GPHN: variants seen among roughly 807,000 people sequenced by gnomAD.
GPHN encodes gephyrin.
GPHN carries 17 observed loss-of-function variants against 95.5 expected under a neutral mutation model. The ratio of observed to expected loss-of-function variants is 0.18; its 90% confidence interval spans 0.12 to 0.27. GPHN has a LOEUF of 0.27. Ranked by LOEUF, GPHN falls within the 10% of genes least tolerant of loss-of-function variation. The pLI, the probability that GPHN is intolerant of heterozygous loss-of-function variation, is 1.00. For missense variants in GPHN, 660 were observed against 978.1 expected (o/e 0.67, Z 4.34); for synonymous variants, 320 against 322.5 (o/e 0.99, Z 0.08).
chr14:66,800,015 C>T (rs2060288351), intron 3 of GPHN, among the ~76,000 whole-genome samples: 1 of 151,842 alleles, frequency 6.6e-6, no homozygotes, highest in Admixed American at 6.6e-5. Flanking sequence ...TATCTTATAA[C>T]ATATTATTTT....
intron 11 of GPHN, among the ~76,000 whole-genome samples, chr14:67,070,269 T>C (rs1484616711): frequency 6.6e-6 from 1 of 150,680 alleles, no homozygotes; most frequent in Non-Finnish European, 1.5e-5. Context: ...TTTTGTGACA[T>C]ATATGTGTGT....
the GPHN span, chr14:67,221,846 C>T: frequency 9.3e-6 from 15 of 1,607,718 alleles, no homozygotes; most frequent in East Asian, 1.6e-4. Flanking sequence ...ATTGTGATCC[C>T]TGGTATTCAG....
chr14:66,726,268 C>T (rs1447199403), intron 2 of GPHN, among the ~76,000 whole-genome samples: 5 of 152,158 alleles, frequency 3.3e-5, no homozygotes. Context: ...ATAATTTACA[C>T]TTCCACCTCT....
chr14:67,002,652 C>T (rs889641758), intron 9 of GPHN, among the ~76,000 whole-genome samples: 7 of 151,384 alleles, frequency 4.6e-5, no homozygotes, highest in Non-Finnish European at 8.9e-5. Flanking sequence ...AGCAAGTTAA[C>T]TTCTCTGCAC....
chr14:66,596,570 C>T (rs2061981711), intron 1 of GPHN, among the ~76,000 whole-genome samples: 1 of 152,126 alleles, frequency 6.6e-6, no homozygotes, highest in Non-Finnish European at 1.5e-5. Context: ...TCATAGCTGC[C>T]CTGAATGTGT....
the GPHN span, among the ~76,000 whole-genome samples, chr14:67,519,049 A>G: frequency 2.6e-5 from 4 of 152,202 alleles, no homozygotes; most frequent in South Asian, 8.3e-4. Context: ...CTGGGTAGGA[A>G]AGAACTGGGG....
chr14:67,210,068 T>C, the GPHN span, among the ~76,000 whole-genome samples: 1 of 152,194 alleles, frequency 6.6e-6, no homozygotes, highest in African/African-American at 2.4e-5. Context: ...TAAATGGTTG[T>C]CAATTCAATT....
At chr14:67,172,850 G>A (rs1267348770) in intron 21 of GPHN, among the ~76,000 whole-genome samples, 3 of 152,104 alleles carry the variant, frequency 2.0e-5, no homozygotes, top group Non-Finnish European at 4.4e-5. Flanking sequence ...ATTCTACCAA[G>A]CCCCACCAGC....
intron 5 of GPHN, among the ~76,000 whole-genome samples, chr14:66,880,547 AC>A (rs2063880326): frequency 6.6e-6 from 1 of 152,058 alleles, no homozygotes; most frequent in African/African-American, 2.4e-5. Flanking sequence ...ATTTAATAAA[AC>A]TAAACTGCCA....
At chr14:67,480,691 G>T in the GPHN span, among the ~76,000 whole-genome samples, 15 of 152,154 alleles carry the variant, frequency 9.9e-5, no homozygotes, top group Admixed American at 7.2e-4. Context: ...AACCCCCAGG[G>T]CCCGGGCTGA....
chr14:66,833,607 T>A (rs2061669359), intron 4 of GPHN, among the ~76,000 whole-genome samples: 2 of 151,774 alleles, frequency 1.3e-5, no homozygotes, highest in Admixed American at 1.3e-4. Flanking sequence ...TGCACATGAA[T>A]ACATTCCTCA....
At chr14:67,625,064 CCATT>C in the GPHN span, among the ~76,000 whole-genome samples, 2 of 152,004 alleles carry the variant, frequency 1.3e-5, no homozygotes, top group Admixed American at 1.3e-4. Context: ...CTAAAATTGT[CCATT>C]CACAAGGCTG....
chr14:66,988,117 C>T (rs1000162022), intron 9 of GPHN, among the ~76,000 whole-genome samples: 16 of 151,558 alleles, frequency 1.1e-4, no homozygotes, highest in Non-Finnish European at 1.8e-4. Flanking sequence ...TGTCTCTTTT[C>T]CCCCTCTTTC....
the GPHN span, chr14:67,382,688 G>T: frequency 1.3e-5 from 18 of 1,401,630 alleles, no homozygotes; most frequent in Non-Finnish European, 1.8e-5. Context: ...ATGTCATATT[G>T]TAGGATGGTC....
intron 11 of GPHN, among the ~76,000 whole-genome samples, chr14:67,070,446 C>CCAGCA (rs2076242712): frequency 6.7e-6 from 1 of 149,226 alleles, no homozygotes; most frequent in Admixed American, 6.7e-5. Flanking sequence ...GCCTGTAATC[C>CCAGCA]CAGCACTTCA....
chr14:66,770,056 T>C (rs1360485465), intron 2 of GPHN, among the ~76,000 whole-genome samples: 3 of 152,362 alleles, frequency 2.0e-5, no homozygotes, highest in East Asian at 3.8e-4. Flanking sequence ...ATTATGGTTT[T>C]GATTTGCATC....
At chr14:67,183,698 G>C (rs1284241489), downstream of GPHN, among the ~76,000 whole-genome samples, 1 of 151,704 alleles carries the variant, frequency 6.6e-6, no homozygotes, top group East Asian at 1.9e-4. Context: ...CAAGTAGCTA[G>C]GATTACAGGC....
At chr14:66,980,581 T>A (rs908737665) in intron 9 of GPHN, among the ~76,000 whole-genome samples, 4 of 152,158 alleles carry the variant, frequency 2.6e-5, no homozygotes, top group African/African-American at 7.2e-5. Flanking sequence ...GGAAATAATT[T>A]ATATAAAGGT....
At chr14:67,679,179 C>T in the GPHN span, among the ~76,000 whole-genome samples, 1 of 152,226 alleles carries the variant, frequency 6.6e-6, no homozygotes, top group East Asian at 1.9e-4. Context: ...ACAAGTCATC[C>T]TTTAATAAGG....
Sources: allele counts gnomAD v4.1 joint callset (sites outside exome capture counted in the v4.1 genomes callset), GRCh38; gene constraint gnomAD v4.1.1; transcripts MANE v1.5; gene names NCBI Gene and HGNC (gene_info 2026-07-23, HGNC 2026-07-21).